The following SLC17A3 variants were observed in gnomAD, a reference collection of about 807,000 sequenced individuals.
SLC17A3 encodes the protein solute carrier family 17 member 3.
SLC17A3 carries 61 observed loss-of-function variants against 60.3 expected under a neutral mutation model. The ratio of observed to expected loss-of-function variants is 1.01; its 90% CI spans 0.82 to 1.25. The LOEUF (loss-of-function observed/expected upper bound fraction) is 1.25, where lower values mean the gene tolerates loss of function less well. Among genes scored for constraint, SLC17A3 ranks in the 50% most tolerant of loss-of-function variants. The probability of loss-of-function intolerance (pLI) is 0.00; values close to 1 mark genes in which losing one functional copy is unlikely to be tolerated. For missense variants in SLC17A3, 624 were observed against 594.9 expected (o/e 1.05, Z -0.51); for synonymous variants, 192 against 208.9 (o/e 0.92, Z 0.70).
At chr6:25,856,623 G>A (rs979813224) in intron 5 of SLC17A3, among the ~76,000 whole-genome samples, 9 of 151,428 alleles carry the variant, frequency 5.9e-5, no homozygotes, top group Admixed American at 3.9e-4. Flanking sequence ...CGAGGCAGGC[G>A]AATCATGAGG....
intron 1 of SLC17A3, among the ~76,000 whole-genome samples, chr6:25,873,894 G>T (rs572041281): frequency 5.3e-5 from 8 of 151,934 alleles, no homozygotes; most frequent in Non-Finnish European, 1.2e-4. Context: ...TAAACACCTC[G>T]CAAGAGTGCC....
chr6:25,861,152 T>C (rs762093271), intron 5 of SLC17A3, among the ~76,000 whole-genome samples: 1 of 152,142 alleles, frequency 6.6e-6, no homozygotes, highest in Non-Finnish European at 1.5e-5. Context: ...GAGCACAGTA[T>C]CCAGGCAGAT....
At chr6:25,850,972 A>ACTTTC in intron 6 of SLC17A3, 95 bp from the exon 7 acceptor site, 1 of 912,508 alleles carries the variant, frequency 1.1e-6, no homozygotes, top group Non-Finnish European at 1.8e-6. Context: ...AAGTTCTAGG[A>ACTTTC]AAAGCTCATG....
Position 25,849,401 on chromosome 6 carries a change from G to C in SLC17A3, c.1335C>G (p.Pro445=). The C allele has an allele frequency of 6.2e-7, 1 of 1,611,186 alleles. No homozygotes were observed. Among genetic ancestry groups the C allele is most frequent in the Non-Finnish European group, 8.5e-7 (1 of 1,177,460 alleles). ...GFSSIAPVIV[P]TVSGFLLSQD... ...GACTAAGAAGAAATCCACTGACAGT[G>C]GGTACAATGACAGGTGCTATGCTCG... The change falls in exon 11 of 13, where the codon CCC becomes CCG. Residue 445 remains proline (P), a synonymous_variant. Coordinates refer to ENST00000397060, the MANE Select transcript of SLC17A3 (RefSeq NM_001098486.2).
chr6:25,861,491 C>T, intron 5 of SLC17A3, 133 bp downstream of exon 5: 1 of 772,900 alleles, frequency 1.3e-6, no homozygotes, highest in Non-Finnish European at 2.3e-6. Context: ...AGACAAAGGA[C>T]CAGTCTTTTT....
intron 8 of SLC17A3, 71 bp downstream of exon 8, chr6:25,850,388 A>C: frequency 1.3e-6 from 2 of 1,488,012 alleles, no homozygotes; most frequent in Non-Finnish European, 1.9e-6. Context: ...CTCAGATGGA[A>C]TGATTAGTGA....
intron 11 of SLC17A3, among the ~76,000 whole-genome samples, chr6:25,846,805 G>A (rs1019566275): frequency 1.3e-5 from 2 of 152,066 alleles, no homozygotes; most frequent in African/African-American, 2.4e-5. Flanking sequence ...TAGAGACGGG[G>A]TTTCACCATG....
At chr6:25,854,448 G>A (rs1357714201) in intron 6 of SLC17A3, among the ~76,000 whole-genome samples, 4 of 151,960 alleles carry the variant, frequency 2.6e-5, no homozygotes, top group Non-Finnish European at 5.9e-5. Context: ...TGTTTCCATG[G>A]TAACTAACAT....
chr6:25,861,098 T>C (rs978665278), intron 5 of SLC17A3, among the ~76,000 whole-genome samples: 2 of 152,144 alleles, frequency 1.3e-5, no homozygotes, highest in African/African-American at 4.8e-5. Flanking sequence ...TTTTCCACAC[T>C]TCCCCAGTAT....
At position 25,850,037 on chromosome 6, in the gene SLC17A3, T is replaced by G. The variant is rs377697516; in HGVS notation, c.1123+11A>C. The G allele has an allele frequency of 1.7e-4, 273 of 1,613,860 alleles. No homozygotes were observed. The highest frequency in any genetic ancestry group is 2.0e-4 in the Non-Finnish European group (239 of 1,179,848). ...TACGCAAATTATCTGACCCTCAAGC[T>G]CTGTTCTTACCTAAAATTGTGGCAA... On this transcript the variant is annotated intron_variant, in intron 9 of 12. Coordinates refer to ENST00000397060, the MANE Select transcript of SLC17A3 (RefSeq NM_001098486.2).
chr6:25,858,995 T>C (rs1765404560), intron 5 of SLC17A3, among the ~76,000 whole-genome samples: 1 of 152,210 alleles, frequency 6.6e-6, no homozygotes, highest in African/African-American at 2.4e-5. Context: ...TAAGACACTG[T>C]AATGTGTTTG....
rs567663170 is a variant in SLC17A3, at chr6:25,849,240, C to G, written c.1362+134G>C. 1.8e-4 allele frequency: 120 copies of G among 677,248 alleles called. 2 individuals are homozygous for G. The South Asian group carries it at 1.9e-3, about 10-fold the overall frequency. 42.0% of individuals were successfully genotyped at this position (677,248 alleles called of 1,614,324 possible). On this transcript the variant is annotated intron_variant, in intron 11 of 12. Transcript: ENST00000397060. ...ACCAAAGAAATGATTCTATATTTTT[C>G]TTTAGCAGGTTCATCTTAATGACAA... is the stretch of plus-strand genomic sequence containing the variant.
At chr6:25,870,931 C>G (rs982692031) in intron 1 of SLC17A3, among the ~76,000 whole-genome samples, 2 of 152,036 alleles carry the variant, frequency 1.3e-5, no homozygotes, top group Non-Finnish European at 2.9e-5. Flanking sequence ...TGTCTCTTAA[C>G]AATTGGGTCT....
At position 25,850,255 on chromosome 6, in the gene SLC17A3, A is replaced by G. The variant is rs1765251166; in HGVS notation, c.994-78T>C. 2.7e-6 allele frequency: 4 copies of G among 1,467,160 alleles called. No individual in the cohort carries two copies. In the South Asian group the frequency reaches 4.8e-5, roughly 18 times the overall value. The allele number at this position is 1,467,160 out of a possible 1,614,324, so 90.9% of individuals were successfully genotyped here. The stretch of plus-strand genomic sequence containing the variant: ...CTTTTGTTGATAAATTACTACTAAT[A>G]ATAATGACATTCTGAAATCATACTT... On this transcript the variant is annotated intron_variant, in intron 8 of 12. Transcript: ENST00000397060.
At chr6:25,863,365 C>T (rs1765484131) in intron 2 of SLC17A3, among the ~76,000 whole-genome samples, 1 of 152,040 alleles carries the variant, frequency 6.6e-6, no homozygotes, top group Admixed American at 6.6e-5. Context: ...TGGCAGAACA[C>T]AGCTAACAGT....
intron 6 of SLC17A3, among the ~76,000 whole-genome samples, chr6:25,854,709 T>C (rs555433436): frequency 1.9e-4 from 29 of 151,760 alleles, no homozygotes; most frequent in Admixed American, 1.8e-3. Context: ...CCTCTTGGTG[T>C]TTCGTGTTTT....
At position 25,853,176 on chromosome 6, in the gene SLC17A3, T is replaced by G. The variant is rs74948999; in HGVS notation, c.712+1968A>C. Among the ~76,000 whole-genome samples the G allele has an allele frequency of 7.9e-3, 1,209 of 152,212 alleles. 26 individuals carry two copies. Among genetic ancestry groups the G allele is most frequent in the East Asian group, 0.071 (369 of 5,166 alleles). On this transcript the variant is annotated intron_variant, in intron 6 of 12. Transcript: ENST00000397060. The stretch of plus-strand genomic sequence containing the variant: ...TTTTCTGTGAGTGTAGGCACCGTCC[T>G]CAGCCTTCACCAATGATTTTCCCCT...
chr6:25,853,441 A>G (rs1189818218), intron 6 of SLC17A3, among the ~76,000 whole-genome samples: 2 of 107,862 alleles, frequency 1.9e-5, no homozygotes, highest in African/African-American at 7.5e-5. Context: ...TTGGAGACAG[A>G]GTCTCGCTCT....
intron 10 of SLC17A3, 105 bp from the exon 11 acceptor site, chr6:25,849,569 T>C (rs1013640407): frequency 3.7e-5 from 28 of 758,186 alleles, no homozygotes; most frequent in Admixed American, 2.1e-4. Flanking sequence ...TTCACAATTA[T>C]ATATAATTAT....
Sources: gnomAD v4.1 joint callset for allele counts (sites outside exome capture counted in the v4.1 genomes callset) on GRCh38, gnomAD v4.1.1 for gene constraint, MANE v1.5 for transcripts, NCBI Gene and HGNC (gene_info 2026-07-23, HGNC 2026-07-21) for gene names.